The following STAU1 variants were observed in gnomAD, a reference collection of about 807,000 sequenced individuals.
STAU1 encodes double-stranded RNA-binding protein Staufen homolog 1.
A neutral mutation model predicts 62.9 loss-of-function variants in STAU1; 13 were observed. That is an observed-to-expected ratio of 0.21 (90% confidence interval 0.13 to 0.33). STAU1 has a LOEUF of 0.33. STAU1 is among the 10% of genes least tolerant of loss of function. The pLI is 1.00. For synonymous variants in STAU1, 269 were observed against 265.1 expected (o/e 1.01, Z -0.14); for missense variants, 571 against 712.1 (o/e 0.80, Z 2.25).
At chr20:49,163,787 G>A (rs1292323934) in intron 3 of STAU1, among the ~76,000 whole-genome samples, 3 of 151,728 alleles carry the variant, frequency 2.0e-5, no homozygotes, top group Non-Finnish European at 4.4e-5. Context: ...TTTGTTTTGA[G>A]TCAGTCTCAG....
chr20:49,177,568 A>C (rs1331437956), intron 1 of STAU1, among the ~76,000 whole-genome samples: 1 of 151,778 alleles, frequency 6.6e-6, no homozygotes, highest in Non-Finnish European at 1.5e-5. Context: ...AGTCTCAGCT[A>C]CTCGGGAGGC....
intron 5 of STAU1, among the ~76,000 whole-genome samples, chr20:49,137,037 C>A (rs565263530): frequency 5.9e-5 from 9 of 152,198 alleles, no homozygotes; most frequent in Admixed American, 4.6e-4. Flanking sequence ...TGGCAGTACA[C>A]GACTATTGCC....
At chr20:49,182,796 A>C (rs958881854) in intron 1 of STAU1, among the ~76,000 whole-genome samples, 2 of 149,492 alleles carry the variant, frequency 1.3e-5, no homozygotes. Flanking sequence ...CCGAGATCAC[A>C]CCACTGCACT....
intron 6 of STAU1, among the ~76,000 whole-genome samples, chr20:49,126,861 C>T (rs1238709778): frequency 2.0e-5 from 3 of 150,472 alleles, no homozygotes; most frequent in Non-Finnish European, 2.9e-5. Flanking sequence ...CTGCATGGAG[C>T]GGGGTGGGGG....
chr20:49,175,099 T>C (rs2093643013), intron 1 of STAU1, among the ~76,000 whole-genome samples: 1 of 152,066 alleles, frequency 6.6e-6, no homozygotes, highest in Non-Finnish European at 1.5e-5. Context: ...GAGGTTGCAG[T>C]GACTCAGGAT....
At chr20:49,206,719 T>TTATA in the STAU1 span, among the ~76,000 whole-genome samples, 711 of 105,970 alleles carry the variant, frequency 6.7e-3, 7 homozygotes, top group South Asian at 0.022. Flanking sequence ...AAATGAAATT[T>TTATA]TATATATATA....
chr20:49,175,798 C>CTTT lies in STAU1; in HGVS notation c.-159-1532_-159-1530dup, dbSNP rs386393906. Among the ~76,000 whole-genome samples, 331 of 104,818 alleles carry CTTT rather than the reference C, an allele frequency of 3.2e-3. 25 individuals carry two copies. Among genetic ancestry groups the CTTT allele is most frequent in the African/African-American group, 8.1e-3 (225 of 27,902 alleles). 68.8% of individuals were successfully genotyped at this position (104,818 alleles called of 152,430 possible). A position where few individuals can be genotyped will look rare whatever the true frequency, so the allele number is the denominator to read the frequency against. ...GCCACCACACCCAACCTCATAATGCCTTTTTTTTTTTTTTTTGAGACGGAG... is the reference window on the plus strand; with the variant it reads ...GCCACCACACCCAACCTCATAATGCCTTTTTTTTTTTTTTTTTTTGAGACGGAG... On this transcript the variant is annotated intron_variant, in intron 1 of 13. Coordinates refer to ENST00000371856, the MANE Select transcript of STAU1 (RefSeq NM_017453.4).
At chr20:49,206,717 TTTTA>T in the STAU1 span, among the ~76,000 whole-genome samples, 1,383 of 45,112 alleles carry the variant, frequency 0.031, 23 homozygotes, top group East Asian at 0.095. Flanking sequence ...TTAAATGAAA[TTTTA>T]TATATATATA....
chr20:49,194,404 G>A, the STAU1 span, among the ~76,000 whole-genome samples: 1 of 140,038 alleles, frequency 7.1e-6, no homozygotes, highest in Non-Finnish European at 1.5e-5. Context: ...ACTCTAGCCA[G>A]GGCAACAAGA....
intron 5 of STAU1, among the ~76,000 whole-genome samples, chr20:49,150,174 G>A (rs1216366519): frequency 6.6e-6 from 1 of 152,058 alleles, no homozygotes; most frequent in African/African-American, 2.4e-5. Flanking sequence ...GATTCCCTAA[G>A]AATTATATTG....
intron 1 of STAU1, among the ~76,000 whole-genome samples, chr20:49,177,963 A>G (rs1419420484): frequency 6.7e-6 from 1 of 150,296 alleles, no homozygotes; most frequent in Non-Finnish European, 1.5e-5. Flanking sequence ...GAACTGCTTG[A>G]GCCCAGGAGT....
At chr20:49,216,494 C>T in the STAU1 span, among the ~76,000 whole-genome samples, 1 of 152,006 alleles carries the variant, frequency 6.6e-6, no homozygotes, top group East Asian at 1.9e-4. Context: ...TGCCACTGCA[C>T]TCCAGCCTGG....
the STAU1 span, among the ~76,000 whole-genome samples, chr20:49,199,014 T>C: frequency 6.7e-6 from 1 of 148,186 alleles, no homozygotes; most frequent in Non-Finnish European, 1.5e-5. Context: ...GGCGTGGTGG[T>C]GGGCACCTGT....
chr20:49,135,308 T>A (rs139306989), intron 6 of STAU1, among the ~76,000 whole-genome samples: 1 of 152,350 alleles, frequency 6.6e-6, no homozygotes, highest in African/African-American at 2.4e-5. Flanking sequence ...TAAGGCAACA[T>A]ATATTAAAAT....
intron 1 of STAU1, among the ~76,000 whole-genome samples, chr20:49,186,191 C>T (rs1182837196): frequency 1.3e-5 from 2 of 151,720 alleles, no homozygotes; most frequent in Non-Finnish European, 2.9e-5. Flanking sequence ...ACGAAAACTA[C>T]AAAAATTAAC....
intron 3 of STAU1, among the ~76,000 whole-genome samples, chr20:49,164,079 A>G (rs779956181): frequency 1.3e-5 from 2 of 152,054 alleles, no homozygotes; most frequent in Non-Finnish European, 2.9e-5. Context: ...TAAAAATACA[A>G]AACAGCCGAG....
At chr20:49,158,761 G>A (rs1478170908) in intron 3 of STAU1, among the ~76,000 whole-genome samples, 1 of 151,734 alleles carries the variant, frequency 6.6e-6, no homozygotes, top group African/African-American at 2.4e-5. Context: ...AGTGAGCCAA[G>A]ATTGCACCAC....
chr20:49,166,343 G>T (rs1400413668), intron 2 of STAU1, 58 bp from the exon 3 acceptor site: 3 of 689,502 alleles, frequency 4.4e-6, no homozygotes, highest in Non-Finnish European at 4.8e-6. Flanking sequence ...ATATGTAATT[G>T]CCAATATTCA....
chr20:49,177,183 T>C (rs1326429040), intron 1 of STAU1, among the ~76,000 whole-genome samples: 1 of 150,922 alleles, frequency 6.6e-6, no homozygotes, highest in Non-Finnish European at 1.5e-5. Flanking sequence ...GTGCTGCGAT[T>C]ACAGGCGTGA....
Sources: allele counts gnomAD v4.1 joint callset (sites outside exome capture counted in the v4.1 genomes callset), GRCh38; gene constraint gnomAD v4.1.1; transcripts MANE v1.5; gene names NCBI Gene and HGNC (gene_info 2026-07-23, HGNC 2026-07-21).